The following PTPRM variants were observed in gnomAD, a reference collection of about 807,000 sequenced individuals.
The protein encoded by PTPRM is receptor-type tyrosine-protein phosphatase mu.
PTPRM carries 47 observed loss-of-function variants against 186.7 expected under a neutral mutation model. The observed-to-expected ratio is 0.25, with a 90% CI of 0.20 to 0.32. The LOEUF is 0.32. Among genes scored for constraint, PTPRM ranks in the 10% least tolerant of loss-of-function variants. The pLI is 1.00. For missense variants in PTPRM, 1,494 were observed against 1,865.0 expected, an observed-to-expected ratio of 0.80 and a Z score of 3.66; for synonymous variants, 668 against 674.9, an observed-to-expected ratio of 0.99 and a Z score of 0.16.
chr18:8,207,020 G>A (rs1336425720), intron 14 of PTPRM, among the ~76,000 whole-genome samples: 7 of 152,304 alleles, frequency 4.6e-5, no homozygotes, highest in Non-Finnish European at 7.3e-5. Context: ...GGTTTCAGAG[G>A]GGGCATGGCT....
intron 7 of PTPRM, among the ~76,000 whole-genome samples, chr18:8,003,146 T>C (rs142174022): frequency 2.6e-5 from 4 of 152,152 alleles, no homozygotes; most frequent in African/African-American, 9.7e-5. Context: ...AATCCCCACA[T>C]GTCAAGGGCG....
intron 14 of PTPRM, among the ~76,000 whole-genome samples, chr18:8,206,518 G>C (rs1179861774): frequency 6.6e-6 from 1 of 152,110 alleles, no homozygotes; most frequent in Admixed American, 6.5e-5. Flanking sequence ...AAAGTGCTGG[G>C]ATTACAGTCG....
At chr18:7,768,677 A>T (rs7242450) in intron 1 of PTPRM, among the ~76,000 whole-genome samples, 2,617 of 145,418 alleles carry the variant, frequency 0.018, 19 homozygotes, top group Non-Finnish European at 0.026. Flanking sequence ...TTGGAGTTTC[A>T]CTCTTGTTGC....
chr18:7,608,469 C>T (rs2037590562), intron 1 of PTPRM, among the ~76,000 whole-genome samples: 1 of 152,030 alleles, frequency 6.6e-6, no homozygotes, highest in Admixed American at 6.5e-5. Flanking sequence ...TTTTCTTTTT[C>T]TTTCCTTTGA....
intron 1 of PTPRM, among the ~76,000 whole-genome samples, chr18:7,635,983 C>T (rs1287559645): frequency 6.6e-6 from 1 of 152,146 alleles, no homozygotes; most frequent in Non-Finnish European, 1.5e-5. Context: ...CTTATTTGGC[C>T]ATTTGTTTGG....
intron 14 of PTPRM, among the ~76,000 whole-genome samples, chr18:8,168,319 C>T (rs2093352034): frequency 6.6e-6 from 1 of 152,262 alleles, no homozygotes; most frequent in South Asian, 2.1e-4. Flanking sequence ...CAGCTCCAGA[C>T]CACTTTATAG....
intron 2 of PTPRM, among the ~76,000 whole-genome samples, chr18:7,858,621 A>G (rs2146018755): frequency 6.6e-6 from 1 of 152,324 alleles, no homozygotes; most frequent in South Asian, 2.1e-4. Flanking sequence ...GATGAGAATT[A>G]CCAATATAAT....
intron 7 of PTPRM, among the ~76,000 whole-genome samples, chr18:8,044,456 G>T (rs2086892094): frequency 6.6e-6 from 1 of 152,096 alleles, no homozygotes; most frequent in Admixed American, 6.5e-5. Context: ...TCACTACGCA[G>T]TTGCAGTAAT....
At chr18:7,965,644 T>C (rs1190969460) in intron 7 of PTPRM, among the ~76,000 whole-genome samples, 11 of 152,214 alleles carry the variant, frequency 7.2e-5, no homozygotes, top group Admixed American at 2.6e-4. Context: ...TTAGCCTTTG[T>C]CTTCTGAACA....
intron 14 of PTPRM, among the ~76,000 whole-genome samples, chr18:8,215,408 A>G (rs61506273): frequency 0.31 from 47,405 of 151,560 alleles, 8,635 homozygotes; most frequent in East Asian, 0.71. Context: ...AAATATGCCT[A>G]TTTTCCCATG....
chr18:8,264,639 C>T (rs1307563681), intron 19 of PTPRM, among the ~76,000 whole-genome samples: 2 of 151,926 alleles, frequency 1.3e-5, no homozygotes, highest in East Asian at 1.9e-4. Context: ...CGTGGTGGTG[C>T]GCACCTGTAG....
intron 1 of PTPRM, among the ~76,000 whole-genome samples, chr18:7,658,112 G>A (rs1180826171): frequency 6.6e-6 from 1 of 151,940 alleles, no homozygotes; most frequent in Non-Finnish European, 1.5e-5. Context: ...TCACCATGCT[G>A]TACATTACAT....
At chr18:7,685,554 G>A (rs1238595099) in intron 1 of PTPRM, among the ~76,000 whole-genome samples, 1 of 152,156 alleles carries the variant, frequency 6.6e-6, no homozygotes, top group Admixed American at 6.5e-5. Flanking sequence ...CTATGGAACT[G>A]GGTCACTGGA....
chr18:7,891,530 G>A (rs1315064540), intron 3 of PTPRM, among the ~76,000 whole-genome samples: 2 of 152,074 alleles, frequency 1.3e-5, no homozygotes, highest in African/African-American at 2.4e-5. Context: ...AAAGCATATG[G>A]CCTCTGGGAC....
At chr18:7,852,153 T>C (rs750901) in intron 2 of PTPRM, among the ~76,000 whole-genome samples, 12,850 of 152,096 alleles carry the variant, frequency 0.084, 598 homozygotes, top group South Asian at 0.2. Flanking sequence ...CCCAAATATA[T>C]GAATTATAGT....
intron 7 of PTPRM, among the ~76,000 whole-genome samples, chr18:8,000,928 C>A (rs1016642400): frequency 2.0e-5 from 3 of 152,170 alleles, no homozygotes; most frequent in African/African-American, 4.8e-5. Context: ...TGGAACATAG[C>A]AAATGACTTC....
At position 7,920,408 on chromosome 18, in the gene PTPRM, A is replaced by G. The variant is rs114634405; in HGVS notation, c.548-6160A>G. ...TTATAAAACATATCTTATAGATATA[A>G]GTTATCTTAAAGAGATGACAACTTA... On this transcript the variant is annotated intron_variant, in intron 4 of 32. Transcript: ENST00000580170. 9.5e-3 allele frequency among the ~76,000 whole-genome samples: 1,444 copies of G among 152,292 alleles called. 24 individuals carry two copies. The highest frequency in any genetic ancestry group is 0.033 in the African/African-American group (1,354 of 41,568).
intron 20 of PTPRM, among the ~76,000 whole-genome samples, chr18:8,308,004 G>A (rs1351839146): frequency 6.6e-6 from 1 of 152,062 alleles, no homozygotes. Flanking sequence ...ATTATTACAA[G>A]GGAGGGATGG....
chr18:7,606,033 C>A (rs1303203209), intron 1 of PTPRM, among the ~76,000 whole-genome samples: 2 of 152,112 alleles, frequency 1.3e-5, no homozygotes, highest in Non-Finnish European at 2.9e-5. Flanking sequence ...CAGCCACTCC[C>A]TTTACTGGTC....
Sources: allele counts gnomAD v4.1 joint callset (sites outside exome capture counted in the v4.1 genomes callset), GRCh38; gene constraint gnomAD v4.1.1; transcripts MANE v1.5; gene names NCBI Gene and HGNC (gene_info 2026-07-23, HGNC 2026-07-21).